Variants in FANCC observed in about 807,000 individuals in gnomAD.
The protein encoded by FANCC is FA complementation group C.
In FANCC, 55 loss-of-function variants were observed where a neutral mutation model predicts 71.3. The ratio of observed to expected loss-of-function variants is 0.77; its 90% CI spans 0.62 to 0.97. The LOEUF (loss-of-function observed/expected upper bound fraction) is 0.97. Ranked by LOEUF, FANCC falls within the 50% of genes least tolerant of loss-of-function variation. The pLI is 0.00. For missense variants in FANCC, 678 were observed against 670.9 expected, an observed-to-expected ratio of 1.01 and a Z score of -0.12; for synonymous variants, 275 against 244.9, an observed-to-expected ratio of 1.12 and a Z score of -1.15.
chr9:95,124,949 G>A, intron 10 of FANCC, 137 bp downstream of exon 10: 2 of 752,254 alleles, frequency 2.7e-6, no homozygotes, highest in Non-Finnish European at 4.6e-6. Flanking sequence ...ACCTTTGTTG[G>A]GGCACTCATT....
At chr9:95,309,746 A>G (rs953833513) in intron 1 of FANCC, among the ~76,000 whole-genome samples, 1 of 152,200 alleles carries the variant, frequency 6.6e-6, no homozygotes, top group Non-Finnish European at 1.5e-5. Flanking sequence ...TTCTGATACT[A>G]TATGTCCAAC....
At chr9:95,221,253 A>G (rs1829243667) in intron 4 of FANCC, among the ~76,000 whole-genome samples, 1 of 152,158 alleles carries the variant, frequency 6.6e-6, no homozygotes, top group African/African-American at 2.4e-5. Flanking sequence ...AATCTGTCTG[A>G]AATTATGTTC....
intron 4 of FANCC, among the ~76,000 whole-genome samples, chr9:95,235,703 G>A (rs1830279534): frequency 6.6e-6 from 1 of 151,992 alleles, no homozygotes; most frequent in Admixed American, 6.5e-5. Flanking sequence ...AATTGGCTGG[G>A]TGTGGTGGCG....
At chr9:95,294,227 A>G in intron 1 of FANCC, 1 of 1,587,986 alleles carries the variant, frequency 6.3e-7, no homozygotes, top group Non-Finnish European at 8.6e-7. Context: ...GGCCCAGCCC[A>G]GAACCCTGGA....
chr9:95,166,005 C>CTTA (rs1009665619), intron 6 of FANCC, among the ~76,000 whole-genome samples: 7 of 152,012 alleles, frequency 4.6e-5, no homozygotes, highest in Non-Finnish European at 1.0e-4. Context: ...AATTGACACT[C>CTTA]TTATTATTAT....
chr9:95,141,456 C>G (rs758857827), intron 7 of FANCC, among the ~76,000 whole-genome samples: 30 of 149,356 alleles, frequency 2.0e-4, no homozygotes, highest in Non-Finnish European at 3.6e-4. Context: ...GCTGACTTTT[C>G]TTTGTTTAAA....
At chr9:95,280,525 T>G (rs144688936) in intron 1 of FANCC, among the ~76,000 whole-genome samples, 1 of 152,308 alleles carries the variant, frequency 6.6e-6, no homozygotes, top group East Asian at 1.9e-4. Context: ...GGTCATAAAA[T>G]GAGTCTTCAT....
intron 1 of FANCC, chr9:95,293,152 T>C: frequency 6.2e-7 from 1 of 1,612,950 alleles, no homozygotes. Flanking sequence ...TTTTGAAGAC[T>C]CTTGTGGCTC....
intron 1 of FANCC, among the ~76,000 whole-genome samples, chr9:95,279,939 C>G (rs1403583188): frequency 8.9e-6 from 1 of 112,314 alleles, no homozygotes; most frequent in Admixed American, 1.1e-4. Flanking sequence ...CAGATCAAGA[C>G]TCTGTCTCAA....
chr9:95,137,097 G>A (rs1827809682), intron 7 of FANCC, among the ~76,000 whole-genome samples: 2 of 152,178 alleles, frequency 1.3e-5, no homozygotes, highest in Admixed American at 1.3e-4. Context: ...GAAAACTAAA[G>A]TGGGGGCGTA....
chr9:95,183,628 T>G (rs796326857), intron 4 of FANCC, among the ~76,000 whole-genome samples: 15 of 152,348 alleles, frequency 9.8e-5, no homozygotes, highest in African/African-American at 3.6e-4. Context: ...TCAAAGATAT[T>G]AACTCATGTT....
chr9:95,125,843 G>A (rs927591051), intron 9 of FANCC, among the ~76,000 whole-genome samples: 7 of 152,192 alleles, frequency 4.6e-5, no homozygotes, highest in African/African-American at 1.7e-4. Flanking sequence ...GGCTCCCCTG[G>A]AAGAGGGGCT....
chr9:95,113,948 TGTGGTG>T (rs1417603337), intron 12 of FANCC: 1 of 154,510 alleles, frequency 6.5e-6, no homozygotes, highest in African/African-American at 2.4e-5. Context: ...ATTAGCTAGG[TGTGGTG>T]GTACACGCCT....
chr9:95,209,796 C>A (rs1446552390), intron 4 of FANCC, among the ~76,000 whole-genome samples: 1 of 152,120 alleles, frequency 6.6e-6, no homozygotes, highest in African/African-American at 2.4e-5. Context: ...GGTTCAAGCC[C>A]TCATAACCCC....
chr9:95,279,778 T>A (rs1252577193), intron 1 of FANCC, among the ~76,000 whole-genome samples: 2 of 151,854 alleles, frequency 1.3e-5, no homozygotes, highest in Non-Finnish European at 2.9e-5. Flanking sequence ...TGAAACGCTG[T>A]CTTTACTAAA....
chr9:95,263,383 C>T (rs963665869), intron 1 of FANCC, among the ~76,000 whole-genome samples: 4 of 151,998 alleles, frequency 2.6e-5, no homozygotes, highest in African/African-American at 9.7e-5. Flanking sequence ...AATCTTGATT[C>T]ACACAGAGCA....
intron 4 of FANCC, among the ~76,000 whole-genome samples, chr9:95,218,470 A>T (rs952294170): frequency 1.3e-5 from 2 of 152,224 alleles, no homozygotes; most frequent in African/African-American, 4.8e-5. Flanking sequence ...TCTCAAAAAA[A>T]TAATAATAAG....
At chr9:95,297,343 T>C (rs1427884559) in intron 1 of FANCC, among the ~76,000 whole-genome samples, 1 of 152,196 alleles carries the variant, frequency 6.6e-6, no homozygotes, top group African/African-American at 2.4e-5. Flanking sequence ...TGCTTTTATA[T>C]TTTGATCTCA....
chr9:95,151,544 C>T (rs187965210), intron 6 of FANCC, among the ~76,000 whole-genome samples: 250 of 152,288 alleles, frequency 1.6e-3, no homozygotes, highest in African/African-American at 5.7e-3. Flanking sequence ...GGCACTGAGG[C>T]TGTTTCTGGT....
Sources: gnomAD v4.1 joint callset for allele counts (sites outside exome capture counted in the v4.1 genomes callset) on GRCh38, gnomAD v4.1.1 for gene constraint, MANE v1.5 for transcripts, NCBI Gene and HGNC (gene_info 2026-07-23, HGNC 2026-07-21) for gene names.